SLC4A4: variants seen among roughly 807,000 people sequenced by gnomAD.
SLC4A4 encodes the protein solute carrier family 4 member 4, also known as electrogenic sodium bicarbonate cotransporter 1.
SLC4A4 carries 27 observed loss-of-function variants against 111.5 expected under a neutral mutation model. That is an observed-to-expected ratio of 0.24 (90% CI 0.18 to 0.33). The LOEUF is 0.33. Ranked by LOEUF, SLC4A4 falls within the 10% of genes least tolerant of loss-of-function variation. The pLI, the probability that SLC4A4 is intolerant of heterozygous loss-of-function variation, is 1.00. For missense variants in SLC4A4, 909 were observed against 1,315.5 expected (o/e 0.69, Z 4.78); for synonymous variants, 443 against 463.4 (o/e 0.96, Z 0.57).
chr4:71,171,034 T>C (rs1401634248), intron 2 of SLC4A4, among the ~76,000 whole-genome samples: 1 of 152,150 alleles, frequency 6.6e-6, no homozygotes. Flanking sequence ...ATGGGGTCAG[T>C]AGCAAATACA....
At chr4:71,116,410 T>C (rs1019205783) in intron 2 of SLC4A4, among the ~76,000 whole-genome samples, 7 of 152,218 alleles carry the variant, frequency 4.6e-5, no homozygotes, top group Non-Finnish European at 1.0e-4. Context: ...TTTCTACCTT[T>C]AATACAAAAC....
intron 2 of SLC4A4, among the ~76,000 whole-genome samples, chr4:71,095,110 T>C (rs1442669735): frequency 6.6e-6 from 1 of 152,252 alleles, no homozygotes; most frequent in Non-Finnish European, 1.5e-5. Context: ...AAAAGGATTC[T>C]AAACTTTTCA....
At position 71,233,442 on chromosome 4, in the gene SLC4A4, C is replaced by G. The variant is rs141635693; in HGVS notation, c.-1-3134C>G. On this transcript the variant is annotated intron_variant, in intron 1 of 25. Coordinates refer to ENST00000264485, the MANE Select transcript of SLC4A4 (RefSeq NM_001098484.3). ...CTTTTGTCACTTCCTTGACATCACT[C>G]TTGCCTGGATTCTTACCTCATTGAC... The G allele has an allele frequency of 4.6e-3, 1,319 of 287,478 alleles. 6 individuals are homozygous for G. Among genetic ancestry groups the G allele is most frequent in the Non-Finnish European group, 5.2e-3 (993 of 191,896 alleles). The allele number at this position is 287,478 out of a possible 1,614,324, so 17.8% of individuals were successfully genotyped here. A position where few individuals can be genotyped will look rare whatever the true frequency, so the allele number is the denominator to read the frequency against.
At chr4:71,398,323 A>G (rs1005019475) in intron 7 of SLC4A4, among the ~76,000 whole-genome samples, 2 of 152,018 alleles carry the variant, frequency 1.3e-5, no homozygotes, top group Non-Finnish European at 2.9e-5. Flanking sequence ...GAAATGCTGA[A>G]ATTGTTGTTA....
chr4:71,310,019 G>A (rs1352451377), intron 3 of SLC4A4, among the ~76,000 whole-genome samples: 2 of 151,790 alleles, frequency 1.3e-5, no homozygotes, highest in Non-Finnish European at 2.9e-5. Flanking sequence ...AACACAGCAC[G>A]AGAACTTCGT....
intron 3 of SLC4A4, among the ~76,000 whole-genome samples, chr4:71,301,608 T>C (rs1725265391): frequency 6.6e-6 from 1 of 152,238 alleles, no homozygotes; most frequent in Non-Finnish European, 1.5e-5. Context: ...CATCTAGAGC[T>C]ATTCGGGCTC....
At chr4:71,144,190 C>T (rs79201537) in intron 2 of SLC4A4, among the ~76,000 whole-genome samples, 114,281 of 152,162 alleles carry the variant, frequency 0.75, 44,155 homozygotes, top group Admixed American at 0.85. Context: ...CCAGCACCAT[C>T]TACTAAATAG....
chr4:71,233,357 G>A (rs902707029), intron 1 of SLC4A4: 16 of 968,656 alleles, frequency 1.7e-5, no homozygotes, highest in Non-Finnish European at 9.8e-6. Context: ...TGGTGATCAT[G>A]ACCAAAGTGC....
rs1484130737 is a variant in SLC4A4, at chr4:71,339,281, T to C, written c.254-89T>C. On this transcript the variant is annotated intron_variant, in intron 3 of 25. Coordinates refer to ENST00000264485, the MANE Select transcript of SLC4A4 (RefSeq NM_001098484.3). ...CTGAAAATGTGGAAGGGAAGCCCAG[T>C]AACCTTGGGGAGAGAGGAAGAGCCC... 2.5e-6 allele frequency: 4 copies of C among 1,614,062 alleles called. No homozygotes were observed. The Admixed American group carries it at 6.7e-5, about 27-fold the overall frequency.
intron 19 of SLC4A4, among the ~76,000 whole-genome samples, 193 bp downstream of exon 19, chr4:71,546,721 A>G (rs1356208632): frequency 6.6e-6 from 1 of 151,958 alleles, no homozygotes; most frequent in African/African-American, 2.4e-5. Flanking sequence ...TCCTCATGAT[A>G]TATCATTTTC....
intron 1 of SLC4A4, among the ~76,000 whole-genome samples, chr4:71,206,890 C>G (rs1261261892): frequency 6.6e-6 from 1 of 152,020 alleles, no homozygotes; most frequent in East Asian, 1.9e-4. Flanking sequence ...CTATAATCAT[C>G]TACTGCAAGC....
chr4:71,308,405 A>G (rs1201750915), intron 3 of SLC4A4, among the ~76,000 whole-genome samples: 2 of 152,156 alleles, frequency 1.3e-5, no homozygotes, highest in African/African-American at 4.8e-5. Context: ...GGCACATAAT[A>G]GTCATTAAGA....
At chr4:71,357,770 C>T (rs1398607996) in intron 6 of SLC4A4, among the ~76,000 whole-genome samples, 2 of 152,004 alleles carry the variant, frequency 1.3e-5, no homozygotes, top group East Asian at 3.9e-4. Flanking sequence ...ATATTAACCC[C>T]ATTATTTAAC....
intron 7 of SLC4A4, chr4:71,434,628 T>C (rs1723947028): frequency 6.6e-6 from 1 of 152,138 alleles, no homozygotes; most frequent in African/African-American, 2.4e-5. Context: ...GGAAGTCAAA[T>C]TGTCTCTGTT....
chr4:71,282,296 A>ATT (rs762426176), intron 3 of SLC4A4, among the ~76,000 whole-genome samples: 2 of 144,162 alleles, frequency 1.4e-5, no homozygotes, highest in African/African-American at 5.0e-5. Context: ...CCTAAAGATG[A>ATT]TTTTTTTTTT....
chr4:71,125,310 C>T lies in SLC4A4; in HGVS notation c.-2+32518C>T, dbSNP rs961545468. ...GTAGTAAAAAGAATGCAACTATGAC[C>T]GGGCCCAGTGGCTCATACCTGTAAT... is the stretch of plus-strand genomic sequence containing the variant. On this transcript the variant is annotated intron_variant, in intron 2 of 26. Coordinates refer to the SLC4A4 transcript ENST00000649996. Among the ~76,000 whole-genome samples the T allele has an allele frequency of 1.1e-3, 161 of 152,262 alleles. 2 individuals carry two copies. Among genetic ancestry groups the T allele is most frequent in the African/African-American group, 3.8e-3 (156 of 41,548 alleles).
chr4:71,337,639 T>G (rs1265144363), intron 3 of SLC4A4, among the ~76,000 whole-genome samples: 3 of 152,148 alleles, frequency 2.0e-5, no homozygotes, highest in African/African-American at 7.2e-5. Flanking sequence ...TCACAGGATA[T>G]ATACACTATT....
chr4:71,357,665 A>G (rs1048891955), intron 6 of SLC4A4, among the ~76,000 whole-genome samples: 4 of 152,208 alleles, frequency 2.6e-5, no homozygotes, highest in African/African-American at 4.8e-5. Flanking sequence ...GACTTCATCA[A>G]ACTAAGCCTC....
At chr4:71,444,099 G>C (rs556802598) in intron 8 of SLC4A4, among the ~76,000 whole-genome samples, 1 of 152,310 alleles carries the variant, frequency 6.6e-6, no homozygotes, top group African/African-American at 2.4e-5. Context: ...TACATGCTGA[G>C]TTTATGCTAG....
Sources: allele counts gnomAD v4.1 joint callset (sites outside exome capture counted in the v4.1 genomes callset), GRCh38; gene constraint gnomAD v4.1.1; transcripts MANE v1.5; gene names NCBI Gene and HGNC (gene_info 2026-07-23, HGNC 2026-07-21).